SPATA20: variants seen among roughly 807,000 people sequenced by gnomAD.
The protein encoded by SPATA20 is spermatogenesis-associated protein 20.
Under a neutral mutation model 98.9 loss-of-function variants are expected in SPATA20, and 74 were observed. The observed-to-expected ratio is 0.75, with a 90% confidence interval of 0.62 to 0.91. The LOEUF (loss-of-function observed/expected upper bound fraction) is 0.91, where lower values mean the gene tolerates loss of function less well. SPATA20 is among the 40% of genes least tolerant of loss of function. SPATA20 has a pLI of 0.00. For synonymous variants in SPATA20, 430 were observed against 440.5 expected, an observed-to-expected ratio of 0.98 and a Z score of 0.30; for missense variants, 1,016 against 1,069.8, an observed-to-expected ratio of 0.95 and a Z score of 0.70.
rs780207958 is a variant in SPATA20 at position 50,549,113 on chromosome 17, G to T, written c.587G>T (p.Gly196Val). 6.2e-7 allele frequency: 1 copy of T among 1,613,120 alleles called. No homozygotes were observed. Among genetic ancestry groups the T allele is most frequent in the Non-Finnish European group, 8.5e-7 (1 of 1,179,736 alleles). Residue 196 changes from glycine to valine, a missense_variant, in exon 6 of 17, where the codon GGC becomes GTC. Coordinates refer to ENST00000006658, the MANE Select transcript of SPATA20 (RefSeq NM_022827.4). ...CCCAACCTCCAGCCCTTTGTCGGGG[G>T]CACCTATTTCCCTCCTGAGGATGGC... Reference protein sequence around the residue: ...LTPNLQPFVGGTYFPPEDGLT... With the variant: ...LTPNLQPFVGVTYFPPEDGLT...
chr17:50,549,228 T>G (rs1389262262), intron 6 of SPATA20, 42 bp downstream of exon 6: 1 of 1,596,410 alleles, frequency 6.3e-7, no homozygotes, highest in Non-Finnish European at 8.6e-7. Flanking sequence ...GGTGGGGGAC[T>G]AGGAAACAAG....
chr17:50,552,533 CCTTT>C (rs1248442998), intron 14 of SPATA20, among the ~76,000 whole-genome samples: 2 of 149,270 alleles, frequency 1.3e-5, no homozygotes, highest in African/African-American at 4.9e-5. Context: ...TTCCTTTCTT[CCTTT>C]CTTTCTTTTC....
chr17:50,551,385 T>A, intron 12 of SPATA20, 126 bp from the exon 13 acceptor site: 1 of 1,305,008 alleles, frequency 7.7e-7, no homozygotes, highest in South Asian at 1.4e-5. Flanking sequence ...ATGTCTGGCT[T>A]TGGAGCCCAA....
intron 4 of SPATA20, 47 bp downstream of exon 4, chr17:50,548,665 C>T (rs377280616): frequency 1.9e-6 from 3 of 1,601,250 alleles, no homozygotes; most frequent in African/African-American, 2.7e-5. Flanking sequence ...CAGGGAGTGG[C>T]AGTGGATGGG....
At position 50,555,517 on chromosome 17, in the gene SPATA20, C is replaced by T; in HGVS notation, c.2264C>T (p.Pro755Leu). The change falls in exon 17 of 17, where the codon CCC becomes CTC. Residue 755 changes from proline to leucine, a missense_variant. By Grantham distance (98) the Pro-to-Leu change is moderately conservative. Transcript: ENST00000006658. Reference sequence around the variant, plus strand: ...GTGCTGATTCTGGCTGATGGGGACCCCTCGAGCTTCCTGTCCCGCCAGCTG... The same window carrying T: ...GTGCTGATTCTGGCTGATGGGGACCTCTCGAGCTTCCTGTCCCGCCAGCTG... The part of the protein sequence containing the change: ...NKVLILADGD[P>L]SSFLSRQLPF... The T allele has an allele frequency of 6.2e-7, 1 of 1,614,038 alleles. No individual in the cohort carries two copies. The highest frequency in any genetic ancestry group is 8.5e-7 in the Non-Finnish European group (1 of 1,179,988).
In SPATA20 at chr17:50,551,059, C is replaced by T. The variant is rs1210800551; in HGVS notation, c.1445C>T (p.Thr482Ile). ...ACCGTCCGGTACTCGCTGGAGCTGA[C>T]TGCTGCCCGCTTTGGCTTGGATGTG... is the stretch of plus-strand genomic sequence containing the variant. ...VLTVRYSLEL[T>I]AARFGLDVEA... Residue 482 changes from threonine (T) to isoleucine (I), a missense_variant, in exon 12 of 17, where the codon ACT becomes ATT. Physicochemically the swap from Thr to Ile is moderately conservative, Grantham distance 89. Coordinates refer to ENST00000006658, the MANE Select transcript of SPATA20 (RefSeq NM_022827.4). 1 of 1,613,332 alleles carries T rather than the reference C, an allele frequency of 6.2e-7. No homozygotes were observed. Among genetic ancestry groups the T allele is most frequent in the East Asian group, 2.2e-5 (1 of 44,896 alleles).
Position 50,548,602 on chromosome 17 carries a change from G to A in SPATA20, c.345G>A (p.Lys115=). The A allele has an allele frequency of 1.9e-6, 3 of 1,613,424 alleles. No homozygotes were observed. The highest frequency in any genetic ancestry group is 1.7e-6 in the Non-Finnish European group (2 of 1,179,832). The change falls in exon 4 of 17, where the codon AAG becomes AAA. Residue 115 remains lysine, a synonymous_variant. Coordinates refer to ENST00000006658, the MANE Select transcript of SPATA20 (RefSeq NM_022827.4). The part of the protein sequence containing the change: ...EAFDKARKEN[K]PIFLSVGYST... Reference sequence around the variant, plus strand: ...TCGACAAGGCCAGGAAGGAAAACAAGCCGATTTTCCTCTCAGGTAATGCTC... The same window carrying A: ...TCGACAAGGCCAGGAAGGAAAACAAACCGATTTTCCTCTCAGGTAATGCTC...
In SPATA20 at chr17:50,555,290, A is replaced by T; in HGVS notation, c.2216A>T (p.His739Leu). ...KDTKALVQCVHSVYIPNKVLI... is the reference protein window; with the variant it reads ...KDTKALVQCVLSVYIPNKVLI... ...ACCAAGGCCCTGGTGCAGTGCGTCC[A>T]CTCTGTCTACATTCCTAACAAGGTA... Residue 739 changes from histidine (H) to leucine (L), a missense_variant, in exon 16 of 17, where the codon CAC becomes CTC. Coordinates refer to ENST00000006658, the MANE Select transcript of SPATA20 (RefSeq NM_022827.4). 6.2e-7 allele frequency: 1 copy of T among 1,613,712 alleles called. No individual in the cohort carries two copies.
intron 9 of SPATA20, 110 bp from the exon 10 acceptor site, chr17:50,550,426 C>A: frequency 7.3e-7 from 1 of 1,368,788 alleles, no homozygotes; most frequent in Non-Finnish European, 1.0e-6. Flanking sequence ...CTCCCATGTA[C>A]CCACTACCCA....
intron 2 of SPATA20, 148 bp downstream of exon 2, chr17:50,547,915 A>G: frequency 6.9e-7 from 1 of 1,456,938 alleles, no homozygotes; most frequent in Non-Finnish European, 9.3e-7. Flanking sequence ...TGCCAGAGAG[A>G]TGCCTCCAAG....
In SPATA20 at chr17:50,547,276, C is replaced by A. The variant is rs923031695; in HGVS notation, c.68C>A (p.Ala23Glu). Residue 23 changes from alanine (A) to glutamate (E), a missense_variant, in exon 1 of 17, where the codon GCG becomes GAG. By Grantham distance (107) the Ala-to-Glu change is moderately radical. Coordinates refer to ENST00000006658, the MANE Select transcript of SPATA20 (RefSeq NM_022827.4). ...LLPRAGAGLAASRRCPGVWPR... is the reference protein window; with the variant it reads ...LLPRAGAGLAESRRCPGVWPR... ...CCCCGCGCCGGTGCAGGCCTCGCCG[C>A]GAGCCGCAGGTACGGGCGGGCGAGC... 4.4e-6 allele frequency: 6 copies of A among 1,378,606 alleles called. No homozygotes were observed. In the African/African-American group the frequency reaches 9.1e-5, roughly 21 times the overall value. The allele number at this position is 1,378,606 out of a possible 1,614,324, so 85.4% of individuals were successfully genotyped here.
At position 50,550,818 on chromosome 17, in the gene SPATA20, C is replaced by G. The variant is rs182078; in HGVS notation, c.1284C>G (p.Leu428=). 4 of 1,612,894 alleles carry G rather than the reference C, an allele frequency of 2.5e-6. No individual in the cohort carries two copies. The African/African-American group carries it at 5.3e-5, about 22-fold the overall frequency. The stretch of plus-strand genomic sequence containing the variant: ...CGGTCAAAGAGGTTCAGCAGCTCCT[C>G]CCGGAGCCTGTGTTGGGTGCCACCG... ...VWTVKEVQQL[L]PEPVLGATEP... Residue 428 remains leucine, a synonymous_variant, in exon 11 of 17, where the codon CTC becomes CTG. Coordinates refer to ENST00000006658, the MANE Select transcript of SPATA20 (RefSeq NM_022827.4).
intron 14 of SPATA20, among the ~76,000 whole-genome samples, chr17:50,553,961 G>A (rs1305022028): frequency 6.6e-6 from 1 of 152,164 alleles, no homozygotes; most frequent in East Asian, 1.9e-4. Context: ...GGATGATGCC[G>A]CTCTAGCTTG....
chr17:50,555,147 G>A (rs565895644), intron 15 of SPATA20, 85 bp from the exon 16 acceptor site: 21 of 1,057,668 alleles, frequency 2.0e-5, no homozygotes, highest in South Asian at 1.1e-4. Context: ...ACGGTGGGGC[G>A]GAAGGAGGAT....
rs746708709 is a variant in SPATA20 at position 50,552,056 on chromosome 17, G to A, written c.1833G>A (p.Ala611=). 30 of 1,613,780 alleles carry A rather than the reference G, an allele frequency of 1.9e-5. No homozygotes were observed. The highest frequency in any genetic ancestry group is 3.3e-5 in the Admixed American group (2 of 59,984). ...LDLYEASQES[A]WLEWALRLQD... is the part of the protein sequence containing the mutation. ...TGTATGAGGCCTCACAGGAGAGTGCGTGGCTCGAGTGGGCTCTGCGGCTGC... is the reference window on the plus strand; with the variant it reads ...TGTATGAGGCCTCACAGGAGAGTGCATGGCTCGAGTGGGCTCTGCGGCTGC... Residue 611 remains alanine, a synonymous_variant, in exon 14 of 17, where the codon GCG becomes GCA. Transcript: ENST00000006658.
intron 14 of SPATA20, among the ~76,000 whole-genome samples, 165 bp from the exon 15 acceptor site, chr17:50,554,086 A>T (rs2035055748): frequency 6.6e-6 from 1 of 152,156 alleles, no homozygotes; most frequent in South Asian, 2.1e-4. Flanking sequence ...CAAAGTACTG[A>T]TAACTGCTGG....
Position 50,549,151 on chromosome 17 carries a change from G to A in SPATA20, c.625G>A (p.Gly209Ser), listed in dbSNP as rs760302048. Residue 209 changes from glycine to serine, a missense_variant, in exon 6 of 17, where the codon GGC becomes AGC. By Grantham distance (56) the Gly-to-Ser change is moderately conservative. Transcript: ENST00000006658. Reference protein sequence around the residue: ...FPPEDGLTRVGFRTVLLRIRE... With the variant: ...FPPEDGLTRVSFRTVLLRIRE... ...TCCTGAGGATGGCTTGACCCGAGTCGGCTTCCGCACAGTGTTGCTGAGAAT... is the reference window on the plus strand; with the variant it reads ...TCCTGAGGATGGCTTGACCCGAGTCAGCTTCCGCACAGTGTTGCTGAGAAT... 2.2e-5 allele frequency: 35 copies of A among 1,608,558 alleles called. No homozygotes were observed. The East Asian group carries it at 2.7e-4, about 12-fold the overall frequency.
Position 50,548,383 on chromosome 17 carries a change from A to G in SPATA20, c.226A>G (p.Arg76Gly), listed in dbSNP as rs2035326414. 6.2e-7 allele frequency: 1 copy of G among 1,613,866 alleles called. No homozygotes were observed. The highest frequency in any genetic ancestry group is 8.5e-7 in the Non-Finnish European group (1 of 1,179,986). The change falls in exon 3 of 17, where the codon AGG becomes GGG. Residue 76 changes from arginine to glycine, a missense_variant. By Grantham distance (125) the Arg-to-Gly change is moderately radical. Transcript: ENST00000006658. ...AAGCCATCCTTCATCTACACCCCAG[A>G]GGGTCCCCAACCGCCTGATCCACGA... ...KGSHPSSTPQ[R>G]VPNRLIHEKS...
intron 16 of SPATA20, 89 bp downstream of exon 16, chr17:50,555,401 G>A (rs757726818): frequency 1.9e-6 from 3 of 1,597,430 alleles, no homozygotes; most frequent in African/African-American, 1.3e-5. Flanking sequence ...CCCTCAGAAT[G>A]TTGGGAAGAG....
Sources: allele counts gnomAD v4.1 joint callset (sites outside exome capture counted in the v4.1 genomes callset), GRCh38; gene constraint gnomAD v4.1.1; transcripts MANE v1.5; gene names NCBI Gene and HGNC (gene_info 2026-07-23, HGNC 2026-07-21).